The following HNRNPUL1 variants were observed in gnomAD, a reference collection of about 807,000 sequenced individuals.
HNRNPUL1 encodes the protein heterogeneous nuclear ribonucleoprotein U like 1.
Under a neutral mutation model 108.5 loss-of-function variants are expected in HNRNPUL1, and 14 were observed. The observed-to-expected ratio is 0.13, with a 90% CI of 0.09 to 0.20. The LOEUF is 0.20. HNRNPUL1 is among the 10% of genes least tolerant of loss of function. The pLI is 1.00. For synonymous variants in HNRNPUL1, 422 were observed against 445.2 expected, an observed-to-expected ratio of 0.95 and a Z score of 0.66; for missense variants, 804 against 1,168.3, an observed-to-expected ratio of 0.69 and a Z score of 4.55.
At chr19:41,296,019 AGTCTGTATT>A (rs2036873061) in intron 10 of HNRNPUL1, among the ~76,000 whole-genome samples, 1 of 152,156 alleles carries the variant, frequency 6.6e-6, no homozygotes, top group Non-Finnish European at 1.5e-5. Flanking sequence ...GAATTTTTTT[AGTCTGTATT>A]GACCCCAGTT....
At chr19:41,268,753 G>T (rs1313224453) in intron 2 of HNRNPUL1, among the ~76,000 whole-genome samples, 1 of 152,060 alleles carries the variant, frequency 6.6e-6, no homozygotes, top group Non-Finnish European at 1.5e-5. Context: ...AGCTACTTGG[G>T]AGGCTGAGGC....
rs996193965 is a variant in HNRNPUL1, at chr19:41,265,116, C to A, written c.295+318C>A. ...CTGGAGCCGAAGAGAGTCGGAAGAACAAGAGGTTTTCCGTTTGGGTTGGGG... is the reference window on the plus strand; with the variant it reads ...CTGGAGCCGAAGAGAGTCGGAAGAAAAAGAGGTTTTCCGTTTGGGTTGGGG... On this transcript the variant is annotated intron_variant, in intron 1 of 14. Coordinates refer to ENST00000392006, the MANE Select transcript of HNRNPUL1 (RefSeq NM_007040.6). The A allele has an allele frequency of 1.8e-5, 25 of 1,419,030 alleles. No individual in the cohort carries two copies. The African/African-American group carries it at 3.5e-4, about 20-fold the overall frequency. The allele number at this position is 1,419,030 out of a possible 1,614,324, so 87.9% of individuals were successfully genotyped here.
chr19:41,285,025 T>C (rs922680677), intron 7 of HNRNPUL1, among the ~76,000 whole-genome samples: 6 of 147,842 alleles, frequency 4.1e-5, no homozygotes, highest in African/African-American at 1.5e-4. Context: ...GGCATACCTA[T>C]AGGCTATAAT....
At chr19:41,276,409 A>G (rs1454195161) in intron 5 of HNRNPUL1, 111 bp downstream of exon 5, 4 of 1,188,242 alleles carry the variant, frequency 3.4e-6, no homozygotes, top group Non-Finnish European at 4.7e-6. Context: ...GGATTGTGCA[A>G]TACCATGTCC....
chr19:41,264,770 C>G lies in HNRNPUL1; in HGVS notation c.267C>G (p.Pro89=). The stretch of plus-strand genomic sequence containing the variant: ...CCGGGCTGCAGCCGCACGCGGAGCC[C>G]GGCGGCTACTCGGGGCCGGACGGAC... The part of the protein sequence containing the change: ...PPPGLQPHAE[P]GGYSGPDGHY... Residue 89 remains proline, a synonymous_variant, in exon 1 of 15, where the codon CCC becomes CCG. Transcript: ENST00000392006. 1 of 1,373,248 alleles carries G rather than the reference C, an allele frequency of 7.3e-7. No individual in the cohort carries two copies. Among genetic ancestry groups the G allele is most frequent in the Non-Finnish European group, 9.4e-7 (1 of 1,067,562 alleles). 85.1% of individuals were successfully genotyped at this position (1,373,248 alleles called of 1,614,324 possible).
rs143010121 is a variant in HNRNPUL1, at chr19:41,286,197, T to C, written c.999+4922T>C. Among the ~76,000 whole-genome samples, 816 of 152,054 alleles carry C rather than the reference T, an allele frequency of 5.4e-3. 4 individuals are homozygous for C. Among genetic ancestry groups the C allele is most frequent in the African/African-American group, 0.019 (775 of 41,492 alleles). On this transcript the variant is annotated intron_variant, in intron 7 of 14. Transcript: ENST00000392006. The stretch of plus-strand genomic sequence containing the variant: ...ACCTAACTTTTCCTTTTTTTTTTTT[T>C]CAGTATTTCTAGTCATAGGGATCTG...
Position 41,264,595 on chromosome 19 carries a change from A to G in HNRNPUL1, c.92A>G (p.Glu31Gly), listed in dbSNP as rs2034690696. Residue 31 changes from glutamate to glycine, a missense_variant, in exon 1 of 15, where the codon GAG becomes GGG. Glu to Gly is a moderately conservative substitution (Grantham distance 98). This residue lies in a region of HNRNPUL1 where 256 missense variants were observed against 261.6 expected (regional missense o/e 0.98). Transcript: ENST00000392006. The part of the protein sequence containing the change: ...DTRGLKAELA[E>G]RLQAALEAEE... ...CGAGGCCTCAAGGCCGAGCTTGCTG[A>G]GCGGCTGCAGGCGGCGTTGGAGGCC... 3.2e-6 allele frequency: 5 copies of G among 1,576,034 alleles called. No individual in the cohort carries two copies. Among genetic ancestry groups the G allele is most frequent in the Non-Finnish European group, 3.4e-6 (4 of 1,169,022 alleles).
At chr19:41,274,183 C>T in intron 4 of HNRNPUL1, 128 bp downstream of exon 4, 1 of 765,494 alleles carries the variant, frequency 1.3e-6, no homozygotes, top group Non-Finnish European at 2.3e-6. Context: ...TGAGACACGG[C>T]TTAGCTCTGG....
At chr19:41,272,710 G>T (rs1295861803) in intron 3 of HNRNPUL1, among the ~76,000 whole-genome samples, 1 of 152,200 alleles carries the variant, frequency 6.6e-6, no homozygotes, top group Non-Finnish European at 1.5e-5. Context: ...TGTTGTTCCA[G>T]TGTGGGGACT....
chr19:41,271,475 G>A (rs1479409811), intron 2 of HNRNPUL1, among the ~76,000 whole-genome samples: 1 of 152,212 alleles, frequency 6.6e-6, no homozygotes, highest in African/African-American at 2.4e-5. Context: ...ATGGTCTGGG[G>A]TTGAATGCAG....
intron 1 of HNRNPUL1, among the ~76,000 whole-genome samples, chr19:41,266,853 C>G (rs2034881386): frequency 6.6e-6 from 1 of 152,014 alleles, no homozygotes; most frequent in Non-Finnish European, 1.5e-5. Flanking sequence ...TATCGAGGAC[C>G]CAGGTGCTGG....
intron 10 of HNRNPUL1, among the ~76,000 whole-genome samples, chr19:41,295,828 G>A (rs2036859269): frequency 6.6e-6 from 1 of 152,194 alleles, no homozygotes; most frequent in African/African-American, 2.4e-5. Context: ...CAGAGACCGA[G>A]TTGCCTTCAC....
chr19:41,275,439 G>A (rs1277514823), intron 4 of HNRNPUL1, among the ~76,000 whole-genome samples: 1 of 152,052 alleles, frequency 6.6e-6, no homozygotes, highest in Non-Finnish European at 1.5e-5. Context: ...AGTGAGCCGA[G>A]ATCATGCCTC....
intron 7 of HNRNPUL1, among the ~76,000 whole-genome samples, chr19:41,282,690 T>C (rs2035968712): frequency 6.6e-6 from 1 of 151,674 alleles, no homozygotes; most frequent in African/African-American, 2.4e-5. Flanking sequence ...TTTTCTTTTT[T>C]TCTTTTTTTT....
rs376350524 is a variant in HNRNPUL1 at position 41,301,553 on chromosome 19, A to G, written c.1536A>G (p.Ser512=). The change falls in exon 11 of 15, where the codon TCA becomes TCG. Residue 512 remains serine, a synonymous_variant. Transcript: ENST00000392006. ...YILDQTNVYG[S]AQRRKMRPFE... is the part of the protein sequence containing the mutation. ...ACCCTTAGACAAATGTTTATGGGTC[A>G]GCCCAGAGACGAAAAATGAGACCAT... is the stretch of plus-strand genomic sequence containing the variant. 5 of 1,612,930 alleles carry G rather than the reference A, an allele frequency of 3.1e-6. No individual in the cohort carries two copies. The African/African-American group carries it at 6.7e-5, about 22-fold the overall frequency.
chr19:41,275,737 A>T (rs937078312), intron 4 of HNRNPUL1, among the ~76,000 whole-genome samples: 1 of 152,072 alleles, frequency 6.6e-6, no homozygotes, highest in Non-Finnish European at 1.5e-5. Context: ...TGCCCCCATG[A>T]TGTGTTCACT....
rs1393770962 is a variant in HNRNPUL1 at position 41,285,328 on chromosome 19, G to C, written c.999+4053G>C. On this transcript the variant is annotated intron_variant, in intron 7 of 14. Coordinates refer to ENST00000392006, the MANE Select transcript of HNRNPUL1 (RefSeq NM_007040.6). ...TGCAGCCCCCGCCTCCCCGGTTCAAGCTATTCTACCTCAGCGACCCAAGTA... is the reference window on the plus strand; with the variant it reads ...TGCAGCCCCCGCCTCCCCGGTTCAACCTATTCTACCTCAGCGACCCAAGTA... Among the ~76,000 whole-genome samples the C allele has an allele frequency of 4.6e-5, 7 of 152,258 alleles. No individual in the cohort carries two copies. The East Asian group carries it at 1.3e-3, about 29-fold the overall frequency.
At chr19:41,288,978 T>C (rs2036421492) in intron 7 of HNRNPUL1, among the ~76,000 whole-genome samples, 2 of 152,178 alleles carry the variant, frequency 1.3e-5, no homozygotes, top group African/African-American at 4.8e-5. Context: ...TTGTATTCCT[T>C]CTTGAAAGTT....
intron 7 of HNRNPUL1, among the ~76,000 whole-genome samples, chr19:41,282,684 CTTTTTTTCTTTTTTTTTTTT>C (rs1380956924): frequency 6.7e-6 from 1 of 150,272 alleles, no homozygotes; most frequent in Admixed American, 6.6e-5. Context: ...ATATTTTTTT[CTTTTTTTCTTTTTTTTTTTT>C]TTTGAGACGG....
Sources: allele counts gnomAD v4.1 joint callset (sites outside exome capture counted in the v4.1 genomes callset), GRCh38; gene constraint gnomAD v4.1.1; regional missense constraint gnomAD v4.1.1; transcripts MANE v1.5; gene names NCBI Gene and HGNC (gene_info 2026-07-23, HGNC 2026-07-21).